Variants in FMO5 observed in about 807,000 individuals in gnomAD.
The protein encoded by FMO5 is flavin-containing monooxygenase 5.
In FMO5, 51 loss-of-function variants were observed where a neutral mutation model predicts 43.6. The observed-to-expected ratio is 1.17, with a 90% CI of 0.93 to 1.48. FMO5 has a LOEUF of 1.48. FMO5 is among the 40% of genes most tolerant of loss of function. The pLI, the probability that FMO5 is intolerant of heterozygous loss-of-function variation, is 0.00. For synonymous variants in FMO5, 187 were observed against 216.5 expected, an observed-to-expected ratio of 0.86 and a Z score of 1.20; for missense variants, 644 against 643.0, an observed-to-expected ratio of 1.00 and a Z score of -0.02.
At chr1:147,218,243 A>ATT (rs11391075) in intron 2 of FMO5, among the ~76,000 whole-genome samples, 144,092 of 150,350 alleles carry the variant, frequency 0.96, 69,045 homozygotes, top group East Asian at 0.98. Flanking sequence ...AACATGCAGA[A>ATT]TTTTTTTTTT....
At chr1:147,226,452 T>G (rs189008800), upstream of FMO5, among the ~76,000 whole-genome samples, 1 of 152,196 alleles carries the variant, frequency 6.6e-6, no homozygotes, top group Non-Finnish European at 1.5e-5. Flanking sequence ...TTTTTAATAG[T>G]GCTTTCACAC....
chr1:147,198,353 G>A (rs1457083442), intron 7 of FMO5, among the ~76,000 whole-genome samples: 7 of 152,070 alleles, frequency 4.6e-5, no homozygotes, highest in Non-Finnish European at 7.3e-5. Context: ...TACTTAAGGA[G>A]CTATCACTAT....
Position 147,190,204 on chromosome 1 carries a change from G to A in FMO5, c.1229C>T (p.Ser410Phe), listed in dbSNP as rs1656440020. ...TTTGTCAATTTCCTCTTGAGCTTTA[G>A]ATATTTCTGCCATCATTTCACTCTG... ...PSQSEMMAEI[S>F]KAQEEIDKRY... is the part of the protein sequence containing the mutation. The change falls in exon 8 of 9, where the codon TCT (serine) becomes TTT (phenylalanine). Residue 410 changes from serine to phenylalanine, a missense_variant. By Grantham distance (155) the Ser-to-Phe change is radical. Transcript: ENST00000254090. 1 of 1,611,494 alleles carries A rather than the reference G, an allele frequency of 6.2e-7. No homozygotes were observed. The highest frequency in any genetic ancestry group is 1.3e-5 in the African/African-American group (1 of 74,862).
downstream of FMO5, chr1:147,184,701 T>C: frequency 7.0e-7 from 1 of 1,419,352 alleles, no homozygotes; most frequent in East Asian, 2.6e-5. This position sits in a 1 kb window ranked among gnomAD's most constrained non-coding sequence, Gnocchi z 4.4. Flanking sequence ...ATCTCAAAGG[T>C]ACATACTATC....
intron 7 of FMO5, among the ~76,000 whole-genome samples, chr1:147,197,716 A>G (rs587774064): frequency 1.3e-5 from 2 of 151,940 alleles, no homozygotes; most frequent in South Asian, 4.2e-4. Flanking sequence ...AGTGAATTAA[A>G]CCTCTTTCCT....
intron 6 of FMO5, chr1:147,205,055 G>T (rs1333315855): frequency 2.6e-5 from 17 of 645,402 alleles, no homozygotes; most frequent in Middle Eastern, 4.1e-4. Flanking sequence ...ATATAGTCCA[G>T]CCATACCAGA....
chr1:147,188,936 G>T (rs1328759454), intron 8 of FMO5, among the ~76,000 whole-genome samples: 1 of 152,094 alleles, frequency 6.6e-6, no homozygotes, highest in Non-Finnish European at 1.5e-5. Flanking sequence ...ACCAAACTCA[G>T]TAGTGAGAAG....
intron 1 of FMO5, 78 bp from the exon 2 acceptor site, chr1:147,225,144 A>C: frequency 6.4e-7 from 1 of 1,565,316 alleles, no homozygotes; most frequent in Admixed American, 1.8e-5. Flanking sequence ...GTGGCATTCG[A>C]ATAAATTCTG....
rs1035516936 is a variant in FMO5 at position 147,212,267 on chromosome 1, T to C, written c.630+126A>G. On this transcript the variant is annotated intron_variant, in intron 5 of 8. Coordinates refer to ENST00000254090, the MANE Select transcript of FMO5 (RefSeq NM_001461.4). ...ACTGAGGTAATGAAACGAAGCCCTA[T>C]ATTTGCCACTGGCACTGAAGGGCTA... 2.0e-5 allele frequency: 19 copies of C among 946,982 alleles called. No individual in the cohort carries two copies. The Admixed American group carries it at 2.8e-4, about 14-fold the overall frequency. 58.7% of individuals were successfully genotyped at this position (946,982 alleles called of 1,614,324 possible).
rs12039400 is a variant in FMO5 at position 147,223,735 on chromosome 1, C to T, written c.135+1160G>A. On this transcript the variant is annotated intron_variant, in intron 2 of 8. Transcript: ENST00000254090. ...TCTTTGTCAGATGGCCCCCCTATAT[C>T]AGGTTGCAGCAGCAAAGAGCTATCC... The T allele has an allele frequency of 0.013, 2,733 of 207,444 alleles. 108 individuals carry two copies. The East Asian group carries it at 0.16, about 12-fold the overall frequency. 12.9% of individuals were successfully genotyped at this position (207,444 alleles called of 1,614,324 possible).
chr1:147,204,529 G>T, intron 6 of FMO5: 1 of 1,571,608 alleles, frequency 6.4e-7, no homozygotes, highest in Non-Finnish European at 8.7e-7. Context: ...TTTTCTGCAA[G>T]CTATTTCATA....
At chr1:147,211,401 T>C (rs965653392) in intron 5 of FMO5, 19 of 152,240 alleles carry the variant, frequency 1.2e-4, no homozygotes, top group African/African-American at 4.6e-4. Context: ...TATTTCCTGA[T>C]AAATGTCTGT....
At position 147,186,463 on chromosome 1, in the gene FMO5, A is replaced by AG. The variant is rs1406593181; in HGVS notation, c.*436_*437insC. 7 of 910,806 alleles carry AG rather than the reference A, an allele frequency of 7.7e-6. No individual in the cohort carries two copies. Among genetic ancestry groups the AG allele is most frequent in the Non-Finnish European group, 9.0e-6 (7 of 777,036 alleles). The allele number at this position is 910,806 out of a possible 1,614,324, so 56.4% of individuals were successfully genotyped here. A position where few individuals can be genotyped will look rare whatever the true frequency, so the allele number is the denominator to read the frequency against. On this transcript the variant is annotated 3_prime_UTR_variant, in exon 9 of 9. Coordinates refer to ENST00000254090, the MANE Select transcript of FMO5 (RefSeq NM_001461.4). ...AGGAAACATATTTAGTTATAATATG[A>AG]AAAAAAACTAAAATTGAGCTTCTAA...
At chr1:147,190,736 G>T (rs963082035) in intron 7 of FMO5, among the ~76,000 whole-genome samples, 2 of 151,868 alleles carry the variant, frequency 1.3e-5, no homozygotes, top group African/African-American at 4.8e-5. Flanking sequence ...ACAATGTGCA[G>T]GTTTGTTACA....
At chr1:147,194,904 T>A (rs191641088) in intron 7 of FMO5, among the ~76,000 whole-genome samples, 1 of 152,090 alleles carries the variant, frequency 6.6e-6, no homozygotes, top group Non-Finnish European at 1.5e-5. Flanking sequence ...CTTCCCTTTG[T>A]GGGTAACCCG....
chr1:147,187,057 T>G lies in FMO5; in HGVS notation c.1445A>C (p.Asp482Ala). 1 of 1,614,146 alleles carries G rather than the reference T, an allele frequency of 6.2e-7. No individual in the cohort carries two copies. Among genetic ancestry groups the G allele is most frequent in the South Asian group, 1.1e-5 (1 of 91,078 alleles). Residue 482 changes from aspartate (D) to alanine (A), a missense_variant, in exon 9 of 9, where the codon GAT becomes GCT. Coordinates refer to ENST00000254090, the MANE Select transcript of FMO5 (RefSeq NM_001461.4). ...HYRVQGPGKWDGARKAILTTD... is the reference protein window; with the variant it reads ...HYRVQGPGKWAGARKAILTTD... ...GGTGAGGATAGCTTTTCGAGCCCCA[T>G]CCCACTTTCCAGGGCCCTGTACACG...
upstream of FMO5, chr1:147,225,534 TCTC>T (rs1663903007): frequency 6.3e-6 from 1 of 158,064 alleles, no homozygotes; most frequent in African/African-American, 2.4e-5. Flanking sequence ...TCCTACAACT[TCTC>T]TATATTTCAG....
chr1:147,186,850 A>T lies in FMO5; in HGVS notation c.*50T>A. The stretch of plus-strand genomic sequence containing the variant: ...GTCAATCTCGTCAGATTCTGAAGGC[A>T]TCTGTAGATAAGCTTCCCAATGAAA... On this transcript the variant is annotated 3_prime_UTR_variant, in exon 9 of 9. Transcript: ENST00000254090. 1 of 1,563,372 alleles carries T rather than the reference A, an allele frequency of 6.4e-7. No homozygotes were observed. Among genetic ancestry groups the T allele is most frequent in the Non-Finnish European group, 8.6e-7 (1 of 1,156,268 alleles).
At chr1:147,198,850 CA>C (rs151035141) in intron 7 of FMO5, among the ~76,000 whole-genome samples, 923 of 51,780 alleles carry the variant, frequency 0.018, 1 homozygote, top group Non-Finnish European at 0.024. Flanking sequence ...GACTGCATCT[CA>C]AAAAAAAAAA....
Sources: allele counts gnomAD v4.1 joint callset (sites outside exome capture counted in the v4.1 genomes callset), GRCh38; gene constraint gnomAD v4.1.1; non-coding constraint Gnocchi (gnomAD v3.1); transcripts MANE v1.5; gene names NCBI Gene and HGNC (gene_info 2026-07-23, HGNC 2026-07-21).